Variants in DNAH5 observed in about 807,000 individuals in gnomAD.
DNAH5 encodes dynein axonemal heavy chain 5, also known as axonemal beta dynein heavy chain 5.
DNAH5 carries 372 observed loss-of-function variants against 518.2 expected under a neutral mutation model. The ratio of observed to expected loss-of-function variants is 0.72; its 90% CI spans 0.66 to 0.78. DNAH5 has a LOEUF of 0.78. Among genes scored for constraint, DNAH5 ranks in the 30% least tolerant of loss-of-function variants. The probability of loss-of-function intolerance (pLI) is 0.00; values close to 1 mark genes in which losing one functional copy is unlikely to be tolerated. For missense variants in DNAH5, 5,523 were observed against 5,687.0 expected (o/e 0.97, Z 0.93); for synonymous variants, 2,039 against 2,025.9 (o/e 1.01, Z -0.17).
At position 13,727,673 on chromosome 5, in the gene DNAH5, A is replaced by AT. The variant is rs1177204319; in HGVS notation, c.11884-18dup. The AT allele has an allele frequency of 1.2e-6, 2 of 1,613,646 alleles. No individual in the cohort carries two copies. The highest frequency in any genetic ancestry group is 1.7e-6 in the Non-Finnish European group (2 of 1,179,630). On this transcript the variant is annotated splice_polypyrimidine_tract_variant and intron_variant, in intron 69 of 78. Coordinates refer to ENST00000265104, the MANE Select transcript of DNAH5 (RefSeq NM_001369.3). ...TCTCGATATCTGAAAATACCATGGG[A>AT]TAAAAACTGTGTCATGCCACCCAAC...
At chr5:13,736,127 T>C (rs1451715049) in intron 66 of DNAH5, among the ~76,000 whole-genome samples, 195 bp from the exon 67 acceptor site, 1 of 152,236 alleles carries the variant, frequency 6.6e-6, no homozygotes, top group African/African-American at 2.4e-5. Flanking sequence ...AGTAATCAAC[T>C]ATTTGTATTT....
chr5:13,821,220 C>T (rs28403111), intron 40 of DNAH5, among the ~76,000 whole-genome samples: 62,758 of 151,992 alleles, frequency 0.41, 13,284 homozygotes, highest in East Asian at 0.61. Flanking sequence ...GAATGAACCT[C>T]TGAGGAGCAA....
intron 43 of DNAH5, among the ~76,000 whole-genome samples, chr5:13,813,988 C>T (rs1157278659): frequency 1.3e-5 from 2 of 152,010 alleles, no homozygotes; most frequent in Admixed American, 6.6e-5. Flanking sequence ...TTCTGCCTTA[C>T]ATTATAATAT....
At chr5:13,769,649 ATGTGTAGGACT>A (rs749037314) in intron 56 of DNAH5, 34 bp from the exon 57 acceptor site, 1 of 1,556,834 alleles carries the variant, frequency 6.4e-7, no homozygotes, top group Non-Finnish European at 8.9e-7. Flanking sequence ...CAATGTTAAA[ATGTGTAGGACT>A]TGGATGCAAT....
chr5:13,761,578 G>C (rs1282989501), intron 60 of DNAH5, among the ~76,000 whole-genome samples: 1 of 117,814 alleles, frequency 8.5e-6, no homozygotes, highest in African/African-American at 3.5e-5. Flanking sequence ...GGGTGACAGA[G>C]AAAGACTCCG....
At chr5:13,872,018 A>C (rs1561479102) in intron 22 of DNAH5, among the ~76,000 whole-genome samples, 1 of 152,202 alleles carries the variant, frequency 6.6e-6, no homozygotes, top group Non-Finnish European at 1.5e-5. Flanking sequence ...ACTAGATGAC[A>C]GTTCTTGAAG....
At chr5:13,831,951 C>T (rs1433197249) in intron 35 of DNAH5, among the ~76,000 whole-genome samples, 4 of 152,048 alleles carry the variant, frequency 2.6e-5, no homozygotes, top group South Asian at 2.1e-4. Context: ...CTCAGGACTG[C>T]GGCAGGACAG....
chr5:14,004,024 T>C (rs1401639706), intron 1 of DNAH5, among the ~76,000 whole-genome samples: 2 of 152,242 alleles, frequency 1.3e-5, no homozygotes, highest in African/African-American at 4.8e-5. Context: ...ATACAATGAT[T>C]GTTGCTATTT....
At chr5:13,929,469 G>C (rs1778206088) in intron 2 of DNAH5, among the ~76,000 whole-genome samples, 1 of 119,440 alleles carries the variant, frequency 8.4e-6, no homozygotes, top group Non-Finnish European at 1.7e-5. Flanking sequence ...AAATGGTTAA[G>C]ATGGTGAATT....
chr5:13,774,966 T>C (rs1462229489), intron 55 of DNAH5, among the ~76,000 whole-genome samples: 1 of 152,208 alleles, frequency 6.6e-6, no homozygotes, highest in African/African-American at 2.4e-5. Context: ...TATTGATAAC[T>C]GTATTTCATA....
chr5:13,841,178 T>A, intron 33 of DNAH5, 48 bp from the exon 34 acceptor site: 1 of 1,418,168 alleles, frequency 7.1e-7, no homozygotes, highest in Non-Finnish European at 9.9e-7. Context: ...CATATTTATG[T>A]ATTTAAATAG....
intron 1 of DNAH5, among the ~76,000 whole-genome samples, chr5:13,966,789 A>G (rs757218964): frequency 1.8e-4 from 28 of 152,114 alleles, no homozygotes; most frequent in Admixed American, 4.6e-4. Flanking sequence ...GTTTGTGAAG[A>G]TATTCTCCCA....
At chr5:13,782,749 A>T (rs539317152) in intron 52 of DNAH5, among the ~76,000 whole-genome samples, 1 of 152,340 alleles carries the variant, frequency 6.6e-6, no homozygotes, top group East Asian at 1.9e-4. Flanking sequence ...AACACATGGT[A>T]AACCCTCAAA....
intron 1 of DNAH5, among the ~76,000 whole-genome samples, chr5:13,990,718 T>C (rs1048588045): frequency 1.3e-5 from 2 of 151,382 alleles, no homozygotes; most frequent in African/African-American, 4.9e-5. Context: ...AAACACAAAA[T>C]TAGCCAGGCA....
chr5:13,896,982 A>T (rs982375082), intron 15 of DNAH5, among the ~76,000 whole-genome samples: 1 of 152,184 alleles, frequency 6.6e-6, no homozygotes, highest in Admixed American at 6.6e-5. Flanking sequence ...AGATTCTATA[A>T]GAAAAAATGT....
intron 68 of DNAH5, among the ~76,000 whole-genome samples, chr5:13,732,250 T>C (rs1351568885): frequency 2.0e-5 from 3 of 152,162 alleles, no homozygotes; most frequent in Non-Finnish European, 4.4e-5. Context: ...TTCTGGAAGA[T>C]GGGAATTCCA....
chr5:13,788,758 T>C lies in DNAH5; in HGVS notation c.8605A>G (p.Thr2869Ala), dbSNP rs1464948927. ...KKLLVDCGID[T>A]YFVDFLRDAP... ...TCTCTCAAGAAATCCACAAAATATG[T>C]GTCAATTCCACAATCCACCAAGAGT... is the stretch of plus-strand genomic sequence containing the variant. The change falls in exon 51 of 79, where the codon ACA becomes GCA. Residue 2869 changes from threonine to alanine, a missense_variant. Physicochemically the swap from Thr to Ala is moderately conservative, Grantham distance 58. Coordinates refer to ENST00000265104, the MANE Select transcript of DNAH5 (RefSeq NM_001369.3). 9 of 1,614,008 alleles carry C rather than the reference T, an allele frequency of 5.6e-6. No individual in the cohort carries two copies. The highest frequency in any genetic ancestry group is 5.9e-6 in the Non-Finnish European group (7 of 1,180,014).
chr5:13,876,665 C>T lies in DNAH5; in HGVS notation c.3396+19G>A, dbSNP rs1770933933. On this transcript the variant is annotated intron_variant, in intron 22 of 78. Coordinates refer to ENST00000265104, the MANE Select transcript of DNAH5 (RefSeq NM_001369.3). ...TGTTGCAAAGCAAAAGGTCCGGCTGCCAGACCCTCTTGACATACCTTTTTG... is the reference window on the plus strand; with the variant it reads ...TGTTGCAAAGCAAAAGGTCCGGCTGTCAGACCCTCTTGACATACCTTTTTG... 6.2e-7 allele frequency: 1 copy of T among 1,611,090 alleles called. No homozygotes were observed. Among genetic ancestry groups the T allele is most frequent in the Non-Finnish European group, 8.5e-7 (1 of 1,178,862 alleles).
intron 67 of DNAH5, 91 bp from the exon 68 acceptor site, chr5:13,735,412 T>C (rs897637914): frequency 1.6e-6 from 2 of 1,259,488 alleles, no homozygotes; most frequent in Non-Finnish European, 2.3e-6. Context: ...ATAAGTAACT[T>C]TGGAGGAAGA....
Sources: allele counts gnomAD v4.1 joint callset (sites outside exome capture counted in the v4.1 genomes callset), GRCh38; gene constraint gnomAD v4.1.1; transcripts MANE v1.5; gene names NCBI Gene and HGNC (gene_info 2026-07-23, HGNC 2026-07-21).